Variants in GNE observed in about 807,000 individuals in gnomAD.
GNE encodes glucosamine (UDP-N-acetyl)-2-epimerase/N-acetylmannosamine kinase.
A neutral mutation model predicts 61.8 loss-of-function variants in GNE; 41 were observed. That is an observed-to-expected ratio of 0.66 (90% confidence interval 0.52 to 0.86). The LOEUF (loss-of-function observed/expected upper bound fraction) is 0.86. Among genes scored for constraint, GNE ranks in the 40% least tolerant of loss-of-function variants. The pLI, the probability that GNE is intolerant of heterozygous loss-of-function variation, is 0.00. For synonymous variants in GNE, 264 were observed against 326.4 expected (o/e 0.81, Z 2.06); for missense variants, 608 against 909.1 (o/e 0.67, Z 4.26).
In GNE at chr9:36,257,802, C is replaced by CAAAAA. The variant is rs60845805; in HGVS notation, c.-43+514_-43+518dup. 5.5e-3 allele frequency among the ~76,000 whole-genome samples: 139 copies of CAAAAA among 25,238 alleles called. 25 individuals are homozygous for CAAAAA. The highest frequency in any genetic ancestry group is 9.7e-3 in the East Asian group (9 of 932). The allele number at this position is 25,238 out of a possible 152,430, so 16.6% of individuals were successfully genotyped here. On this transcript the variant is annotated intron_variant, in intron 1 of 11. Coordinates refer to ENST00000642385, the MANE Select transcript of GNE (RefSeq NM_005476.7). Reference sequence around the variant, plus strand: ...TGGGCGACAGAGCGAGACTCAGTCTCAAAAAAAAAAAAAAAAAAAAAAAAA... The same window carrying CAAAAA: ...TGGGCGACAGAGCGAGACTCAGTCTCAAAAAAAAAAAAAAAAAAAAAAAAAAAAAA...
In GNE at chr9:36,223,004, C is replaced by T; in HGVS notation, c.1412-6G>A. On this transcript the variant is annotated splice_polypyrimidine_tract_variant and splice_region_variant and intron_variant, in intron 8 of 11. Coordinates refer to ENST00000642385, the MANE Select transcript of GNE (RefSeq NM_005476.7). ...ACGGCCACCTGTGGAAATGCCTGCG[C>T]TCCACCACAAACACAAGGAAATAAT... 6.2e-7 allele frequency: 1 copy of T among 1,611,984 alleles called. No homozygotes were observed. The highest frequency in any genetic ancestry group is 1.1e-5 in the South Asian group (1 of 91,012).
intron 5 of GNE, among the ~76,000 whole-genome samples, chr9:36,230,340 C>G (rs949321021): frequency 2.0e-5 from 3 of 152,316 alleles, no homozygotes; most frequent in Middle Eastern, 3.4e-3. Context: ...CTCCTTGTTT[C>G]CCTCCAACCT....
At chr9:36,244,795 C>T (rs1468851525) in intron 3 of GNE, among the ~76,000 whole-genome samples, 2 of 150,780 alleles carry the variant, frequency 1.3e-5, no homozygotes, top group Non-Finnish European at 2.9e-5. Context: ...AAAAAATTAG[C>T]CAGGTGTGGT....
intron 7 of GNE, 32 bp downstream of exon 7, chr9:36,227,216 A>T (rs1192693976): frequency 7.3e-7 from 1 of 1,367,278 alleles, no homozygotes. Context: ...CTCATATGGG[A>T]TATAAAGTTA....
At chr9:36,244,472 A>C (rs1829778574) in intron 3 of GNE, among the ~76,000 whole-genome samples, 1 of 152,200 alleles carries the variant, frequency 6.6e-6, no homozygotes, top group Admixed American at 6.5e-5. Flanking sequence ...AGCACTGAAC[A>C]ATAAAAATTT....
Position 36,232,338 on chromosome 9 carries a change from C to G in GNE, c.982+1582G>C, listed in dbSNP as rs570540197. On this transcript the variant is annotated intron_variant, in intron 5 of 11. Coordinates refer to ENST00000642385, the MANE Select transcript of GNE (RefSeq NM_005476.7). Reference sequence around the variant, plus strand: ...CCTGCTTTTATTCTTGCCCCCCCGCCCCCCCTCCCGACATTCCATTCTGTA... The same window carrying G: ...CCTGCTTTTATTCTTGCCCCCCCGCGCCCCCTCCCGACATTCCATTCTGTA... Among the ~76,000 whole-genome samples, 634 of 104,204 alleles carry G rather than the reference C, an allele frequency of 6.1e-3. 5 individuals are homozygous for G. The highest frequency in any genetic ancestry group is 0.041 in the South Asian group (90 of 2,194). The allele number at this position is 104,204 out of a possible 152,430, so 68.4% of individuals were successfully genotyped here.
intron 1 of GNE, among the ~76,000 whole-genome samples, chr9:36,272,917 CA>C (rs59845826): frequency 0.24 from 9,295 of 38,272 alleles, 502 homozygotes; most frequent in South Asian, 0.37. Flanking sequence ...AGTAAAAATA[CA>C]AAAAAAAAAA....
intron 1 of GNE, among the ~76,000 whole-genome samples, chr9:36,269,216 A>G (rs1830925479): frequency 6.6e-6 from 1 of 151,494 alleles, no homozygotes; most frequent in Non-Finnish European, 1.5e-5. Context: ...TCTGGAATGA[A>G]TATAATTCTA....
intron 6 of GNE, 88 bp downstream of exon 6, chr9:36,228,933 G>A (rs958748841): frequency 1.2e-6 from 1 of 844,024 alleles, no homozygotes; most frequent in African/African-American, 1.7e-5. Context: ...AGCTCTGTTA[G>A]GATGATTAAA....
chr9:36,230,745 C>T (rs745672287), intron 5 of GNE, among the ~76,000 whole-genome samples: 4 of 151,530 alleles, frequency 2.6e-5, no homozygotes, highest in Non-Finnish European at 4.4e-5. Flanking sequence ...CTGCAAGTTC[C>T]GCCTCCTGGG....
At chr9:36,232,272 TCTCTC>T (rs1487259702) in intron 5 of GNE, among the ~76,000 whole-genome samples, 2 of 152,040 alleles carry the variant, frequency 1.3e-5, no homozygotes, top group Non-Finnish European at 2.9e-5. Flanking sequence ...GCCACTATCA[TCTCTC>T]ATCTGAGCAA....
chr9:36,263,681 AT>A (rs1387471938), intron 1 of GNE, among the ~76,000 whole-genome samples: 2 of 152,162 alleles, frequency 1.3e-5, no homozygotes, highest in African/African-American at 4.8e-5. Context: ...TTTGGCACAA[AT>A]TTTTCCTAAA....
In GNE at chr9:36,246,193, T is replaced by C; in HGVS notation, c.454A>G (p.Lys152Glu). ...IDDSIRHAITKLAHYHVCCTR... is the reference protein window; with the variant it reads ...IDDSIRHAITELAHYHVCCTR... ...CAGCACACATGATAATGAGCCAGTT[T>C]TGTTATGGCATGTCTGATAGAGTCA... Residue 152 changes from lysine to glutamate, a missense_variant, in exon 3 of 12, where the codon AAA becomes GAA. Transcript: ENST00000642385. The C allele has an allele frequency of 6.2e-7, 1 of 1,614,220 alleles. No homozygotes were observed. The highest frequency in any genetic ancestry group is 1.3e-5 in the African/African-American group (1 of 75,066).
At chr9:36,250,436 G>A (rs578171334) in intron 1 of GNE, among the ~76,000 whole-genome samples, 1 of 152,122 alleles carries the variant, frequency 6.6e-6, no homozygotes, top group East Asian at 1.9e-4. Context: ...TTTTCTTTTC[G>A]GAAGCTGTTC....
intron 2 of GNE, among the ~76,000 whole-genome samples, chr9:36,248,537 T>A (rs1010071487): frequency 6.6e-6 from 1 of 151,876 alleles, no homozygotes; most frequent in Non-Finnish European, 1.5e-5. Flanking sequence ...TTGGCCAGGC[T>A]GGTCTCAAAT....
chr9:36,251,441 C>A (rs150000075), intron 1 of GNE, among the ~76,000 whole-genome samples: 46 of 152,242 alleles, frequency 3.0e-4, no homozygotes, highest in African/African-American at 1.1e-3. Context: ...GAGATGGGAT[C>A]TTGCTATGTT....
At chr9:36,274,421 G>A (rs534185185) in intron 1 of GNE, among the ~76,000 whole-genome samples, 84 of 152,024 alleles carry the variant, frequency 5.5e-4, no homozygotes, top group East Asian at 2.3e-3. Context: ...AATATTTAGC[G>A]GTGCTTTCCT....
chr9:36,240,242 T>C (rs989009073), intron 3 of GNE, among the ~76,000 whole-genome samples: 1 of 152,190 alleles, frequency 6.6e-6, no homozygotes, highest in African/African-American at 2.4e-5. Context: ...TTGTTCCAAT[T>C]CTCAGAGGGA....
chr9:36,261,286 C>T (rs1051059050), upstream of GNE, among the ~76,000 whole-genome samples: 7 of 152,122 alleles, frequency 4.6e-5, no homozygotes, highest in Admixed American at 3.9e-4. Flanking sequence ...AGGCCAGGCA[C>T]GGTGGCTCAC....
Sources: allele counts gnomAD v4.1 joint callset (sites outside exome capture counted in the v4.1 genomes callset), GRCh38; gene constraint gnomAD v4.1.1; transcripts MANE v1.5; gene names NCBI Gene and HGNC (gene_info 2026-07-23, HGNC 2026-07-21).